HS6ST1: variants seen among roughly 807,000 people sequenced by gnomAD.
HS6ST1 encodes the protein heparan-sulfate 6-O-sulfotransferase 1.
A neutral mutation model predicts 25.2 loss-of-function variants in HS6ST1; 3 were observed. The ratio of observed to expected loss-of-function variants is 0.12; its 90% CI spans 0.05 to 0.31. The LOEUF is 0.31. HS6ST1 is among the 10% of genes least tolerant of loss of function. HS6ST1 has a pLI of 1.00. For missense variants in HS6ST1, 310 were observed against 609.6 expected (o/e 0.51, Z 5.18); for synonymous variants, 204 against 275.1 (o/e 0.74, Z 2.56).
intron 1 of HS6ST1, among the ~76,000 whole-genome samples, chr2:128,281,234 G>A (rs1396737841): frequency 6.6e-6 from 1 of 152,214 alleles, no homozygotes; most frequent in Admixed American, 6.5e-5. Context: ...CTTCTGCTCT[G>A]CCTACCTCTA....
At chr2:128,269,987 C>T (rs2104909891) in intron 1 of HS6ST1, among the ~76,000 whole-genome samples, 1 of 152,324 alleles carries the variant, frequency 6.6e-6, no homozygotes, top group Non-Finnish European at 1.5e-5. Flanking sequence ...CCGCACACCT[C>T]CCTGCAGGGA....
intron 1 of HS6ST1, among the ~76,000 whole-genome samples, chr2:128,282,747 G>T (rs563221490): frequency 6.6e-6 from 1 of 152,326 alleles, no homozygotes; most frequent in East Asian, 1.9e-4. Context: ...CAGGGAAGAC[G>T]CTTGTGCCTG....
intron 1 of HS6ST1, among the ~76,000 whole-genome samples, chr2:128,272,277 C>A (rs745528146): frequency 1.3e-5 from 2 of 152,240 alleles, no homozygotes; most frequent in Non-Finnish European, 2.9e-5. Flanking sequence ...CACCCCTGGT[C>A]TCTGCATGGG....
chr2:128,309,781 G>T, intron 1 of HS6ST1, among the ~76,000 whole-genome samples: 1 of 152,212 alleles, frequency 6.6e-6, no homozygotes, highest in East Asian at 1.9e-4. Flanking sequence ...CTGAAGCCCT[G>T]GCCCCGCGGT....
At chr2:128,278,700 C>A (rs916316367) in intron 1 of HS6ST1, among the ~76,000 whole-genome samples, 1 of 152,208 alleles carries the variant, frequency 6.6e-6, no homozygotes, top group Admixed American at 6.5e-5. Context: ...AAGGGTCTAT[C>A]CCCCTCCAAT....
At chr2:128,283,967 G>C (rs1042574269) in intron 1 of HS6ST1, among the ~76,000 whole-genome samples, 2 of 152,214 alleles carry the variant, frequency 1.3e-5, no homozygotes, top group African/African-American at 4.8e-5. Context: ...TCCAGGTCAA[G>C]AAATGGAGGC....
intron 1 of HS6ST1, among the ~76,000 whole-genome samples, chr2:128,287,482 A>G (rs1198761417): frequency 6.6e-6 from 1 of 152,212 alleles, no homozygotes; most frequent in Non-Finnish European, 1.5e-5. Flanking sequence ...TGTGAGGCTT[A>G]GGACTGCCTC....
intron 1 of HS6ST1, among the ~76,000 whole-genome samples, chr2:128,292,859 G>A (rs554810062): frequency 7.2e-5 from 11 of 152,148 alleles, no homozygotes; most frequent in African/African-American, 1.9e-4. Context: ...AAGACGGCTC[G>A]ACTCACAGGA....
chr2:128,280,106 T>C (rs562402470), intron 1 of HS6ST1, among the ~76,000 whole-genome samples: 66 of 152,308 alleles, frequency 4.3e-4, no homozygotes, highest in Middle Eastern at 3.4e-3. Flanking sequence ...CTCATCAGCA[T>C]TGCCTGCTGC....
At chr2:128,269,843 A>G (rs1693585804) in intron 1 of HS6ST1, among the ~76,000 whole-genome samples, 2 of 152,174 alleles carry the variant, frequency 1.3e-5, no homozygotes, top group African/African-American at 2.4e-5. Context: ...CCCAGATGGC[A>G]ACATGGAAGT....
Position 128,286,756 on chromosome 2 carries a change from G to T in HS6ST1, c.528-17886C>A, listed in dbSNP as rs147076243. Among the ~76,000 whole-genome samples the T allele has an allele frequency of 7.0e-3, 1,061 of 152,374 alleles. 10 individuals are homozygous for T. The highest frequency in any genetic ancestry group is 0.024 in the African/African-American group (998 of 41,592). ...CCCTTCCCTAACAACGTCTGCAAGCGGGTGAAAATCTTTGCTGGCTTTACA... is the reference window on the plus strand; with the variant it reads ...CCCTTCCCTAACAACGTCTGCAAGCTGGTGAAAATCTTTGCTGGCTTTACA... On this transcript the variant is annotated intron_variant, in intron 1 of 1. Transcript: ENST00000259241.
chr2:128,293,373 G>A (rs1268074275), intron 1 of HS6ST1, among the ~76,000 whole-genome samples: 2 of 152,250 alleles, frequency 1.3e-5, no homozygotes, highest in East Asian at 1.9e-4. Context: ...AAGCATGACC[G>A]TCACTCCCTA....
intron 1 of HS6ST1, among the ~76,000 whole-genome samples, chr2:128,273,404 GC>G (rs1233444287): frequency 6.6e-6 from 1 of 152,216 alleles, no homozygotes; most frequent in African/African-American, 2.4e-5. Context: ...GGGTGTTCCT[GC>G]CCCTTTCTGC....
chr2:128,301,378 C>T (rs1397277194), intron 1 of HS6ST1, among the ~76,000 whole-genome samples: 1 of 152,172 alleles, frequency 6.6e-6, no homozygotes, highest in Non-Finnish European at 1.5e-5. Context: ...GGCTACCCTT[C>T]CTGTGTCTGC....
chr2:128,277,612 G>A (rs1327761510), intron 1 of HS6ST1, among the ~76,000 whole-genome samples: 1 of 152,224 alleles, frequency 6.6e-6, no homozygotes, highest in African/African-American at 2.4e-5. Context: ...GACCCTCTGT[G>A]GGTAACAGGG....
chr2:128,273,156 G>A (rs779219703), intron 1 of HS6ST1, among the ~76,000 whole-genome samples: 19 of 152,198 alleles, frequency 1.2e-4, no homozygotes, highest in Admixed American at 4.6e-4. Flanking sequence ...GCGGCTCTGC[G>A]TCTTGTAATA....
At chr2:128,286,899 G>A (rs1324322071) in intron 1 of HS6ST1, among the ~76,000 whole-genome samples, 2 of 152,114 alleles carry the variant, frequency 1.3e-5, no homozygotes, top group Non-Finnish European at 2.9e-5. Context: ...GGTTGCCTGG[G>A]GAACAGCATC....
At chr2:128,289,907 C>T (rs1316845683) in intron 1 of HS6ST1, 1 of 152,170 alleles carries the variant, frequency 6.6e-6, no homozygotes, top group East Asian at 1.9e-4. Flanking sequence ...TCACAAATAG[C>T]CCGATAATCT....
At chr2:128,312,551 T>C (rs555239629) in intron 1 of HS6ST1, among the ~76,000 whole-genome samples, 1 of 152,084 alleles carries the variant, frequency 6.6e-6, no homozygotes, top group East Asian at 1.9e-4. Context: ...CCAGAGAGGG[T>C]GCACCCCAGG....
Sources: gnomAD v4.1 joint callset for allele counts (sites outside exome capture counted in the v4.1 genomes callset) on GRCh38, gnomAD v4.1.1 for gene constraint, MANE v1.5 for transcripts, NCBI Gene and HGNC (gene_info 2026-07-23, HGNC 2026-07-21) for gene names.